The following MAP2K2 variants were observed in gnomAD, a reference collection of about 807,000 sequenced individuals.
MAP2K2 encodes the protein mitogen-activated protein kinase kinase 2.
MAP2K2 carries 24 observed loss-of-function variants against 43.7 expected under a neutral mutation model. That is an observed-to-expected ratio of 0.55 (90% CI 0.40 to 0.77). The LOEUF (loss-of-function observed/expected upper bound fraction) is 0.77, where lower values mean the gene tolerates loss of function less well. Among genes scored for constraint, MAP2K2 ranks in the 30% least tolerant of loss-of-function variants. The pLI is 0.00. For missense variants in MAP2K2, 470 were observed against 566.8 expected (o/e 0.83, Z 1.73); for synonymous variants, 244 against 239.7 (o/e 1.02, Z -0.17).
chr19:4,090,723 G>C lies in MAP2K2; in HGVS notation c.1093-15C>G. 1 of 1,529,446 alleles carries C rather than the reference G, an allele frequency of 6.5e-7. No individual in the cohort carries two copies. Among genetic ancestry groups the C allele is most frequent in the South Asian group, 1.2e-5 (1 of 83,692 alleles). The allele number at this position is 1,529,446 out of a possible 1,614,324, so 94.7% of individuals were successfully genotyped here. On this transcript the variant is annotated splice_polypyrimidine_tract_variant and intron_variant, in intron 10 of 10. Coordinates refer to ENST00000262948, the MANE Select transcript of MAP2K2 (RefSeq NM_030662.4). The stretch of plus-strand genomic sequence containing the variant: ...AAGGTGTGGTTCTGCAAGGAAAGGG[G>C]AGCCGTGAGCACCCGGGCCTGGAGT...
intron 4 of MAP2K2, 77 bp downstream of exon 4, chr19:4,102,299 T>C: frequency 9.2e-6 from 12 of 1,297,746 alleles, no homozygotes; most frequent in Non-Finnish European, 1.3e-5. Context: ...TGTGAGTGGC[T>C]CCCGGAACCC....
chr19:4,117,730 T>G (rs578052484), intron 1 of MAP2K2, 101 bp from the exon 2 acceptor site: 3 of 1,037,010 alleles, frequency 2.9e-6, no homozygotes, highest in Non-Finnish European at 4.5e-6. Flanking sequence ...GGACACAGAC[T>G]GGATTCCTGC....
chr19:4,123,448 A>C (rs1013691056), intron 1 of MAP2K2, among the ~76,000 whole-genome samples: 5 of 151,482 alleles, frequency 3.3e-5, no homozygotes, highest in Middle Eastern at 3.4e-3. Flanking sequence ...TCCACTCTTC[A>C]GGAACCCCAC....
intron 7 of MAP2K2, among the ~76,000 whole-genome samples, chr19:4,098,823 G>A (rs1458232794): frequency 2.0e-5 from 3 of 152,272 alleles, no homozygotes; most frequent in South Asian, 2.1e-4. Flanking sequence ...CGCAGCACAG[G>A]AGCGTGTCAC....
At chr19:4,112,841 G>A (rs183667875) in intron 2 of MAP2K2, among the ~76,000 whole-genome samples, 169 of 152,352 alleles carry the variant, frequency 1.1e-3, no homozygotes, top group Non-Finnish European at 1.7e-3. Flanking sequence ...GTAACTGAGA[G>A]GTGCTGGTGC....
intron 6 of MAP2K2, chr19:4,100,473 C>A: frequency 7.0e-6 from 1 of 142,670 alleles, no homozygotes; most frequent in Non-Finnish European, 1.5e-5. Context: ...ACCTGGTAGG[C>A]ACTGCTAGAG....
intron 3 of MAP2K2, among the ~76,000 whole-genome samples, chr19:4,107,971 C>T (rs2041107141): frequency 6.6e-6 from 1 of 152,136 alleles, no homozygotes; most frequent in Admixed American, 6.5e-5. Context: ...CGAGACCTGA[C>T]CCGGACGCCC....
At chr19:4,094,200 C>T (rs1049579943) in intron 10 of MAP2K2, among the ~76,000 whole-genome samples, 3 of 152,138 alleles carry the variant, frequency 2.0e-5, no homozygotes, top group South Asian at 2.1e-4. Flanking sequence ...CAGGCAGGAG[C>T]GGCGGAGCTC....
At chr19:4,119,311 T>C (rs1599308912) in intron 1 of MAP2K2, among the ~76,000 whole-genome samples, 1 of 152,280 alleles carries the variant, frequency 6.6e-6, no homozygotes, top group East Asian at 1.9e-4. Context: ...AACCTCCACC[T>C]CACGGGTTCA....
intron 6 of MAP2K2, chr19:4,099,822 T>C (rs570017267): frequency 2.1e-4 from 59 of 280,668 alleles, no homozygotes; most frequent in Non-Finnish European, 3.7e-4. Flanking sequence ...GTCCAGAAAT[T>C]AACTAAGGGC....
intron 2 of MAP2K2, among the ~76,000 whole-genome samples, chr19:4,116,972 G>A (rs936328902): frequency 6.6e-6 from 1 of 152,180 alleles, no homozygotes; most frequent in Non-Finnish European, 1.5e-5. Context: ...AGAAGGCACA[G>A]CAAAAACATG....
rs774589111 is a variant in MAP2K2 at position 4,102,369 on chromosome 19, G to A, written c.528+7C>T. ...GGGGGCGCGATGTGGGTCTGCGGTG[G>A]ACTCACCGCGATGCTGACTTTCCCC... is the stretch of plus-strand genomic sequence containing the variant. On this transcript the variant is annotated splice_region_variant and intron_variant, in intron 4 of 10. Coordinates refer to ENST00000262948, the MANE Select transcript of MAP2K2 (RefSeq NM_030662.4). 22 of 1,591,406 alleles carry A rather than the reference G, an allele frequency of 1.4e-5. No homozygotes were observed. The highest frequency in any genetic ancestry group is 1.9e-5 in the Non-Finnish European group (22 of 1,170,006).
At chr19:4,094,943 C>A (rs1326908398) in intron 9 of MAP2K2, 4 of 356,882 alleles carry the variant, frequency 1.1e-5, no homozygotes, top group South Asian at 3.9e-5. Context: ...GTCCGCAGCT[C>A]CTTCCCCGTG....
intron 3 of MAP2K2, among the ~76,000 whole-genome samples, chr19:4,108,636 T>C (rs886863599): frequency 1.3e-5 from 2 of 152,062 alleles, no homozygotes; most frequent in African/African-American, 4.8e-5. Context: ...GTCTGTGTGG[T>C]GTCCCCTGGG....
At chr19:4,123,707 G>T in intron 1 of MAP2K2, 77 bp downstream of exon 1, 1 of 672,240 alleles carries the variant, frequency 1.5e-6, no homozygotes, top group Non-Finnish European at 2.0e-6. Flanking sequence ...GCGAACCCCC[G>T]TCCCCTCGCC....
chr19:4,092,915 A>C (rs1184826198), intron 10 of MAP2K2, among the ~76,000 whole-genome samples: 1 of 152,086 alleles, frequency 6.6e-6, no homozygotes, highest in African/African-American at 2.4e-5. Flanking sequence ...TATAAAAAAA[A>C]CTAGCTGGGC....
In MAP2K2 at chr19:4,094,499, C is replaced by CT. The variant is rs1555696233; in HGVS notation, c.1047-2dup. ...CCGCTCCGCTGGGTTCTTGATGAGG[C>CT]TGGGGGTTCCAAGAGGCAGGACCGG... is the stretch of plus-strand genomic sequence containing the variant. On this transcript the variant is annotated splice_acceptor_variant, in intron 9 of 10. Transcript: ENST00000262948. LOFTEE classifies it high-confidence loss of function. The CT allele has an allele frequency of 6.4e-7, 1 of 1,569,764 alleles. No homozygotes were observed. Among genetic ancestry groups the CT allele is most frequent in the Non-Finnish European group, 8.6e-7 (1 of 1,156,708 alleles).
intron 2 of MAP2K2, among the ~76,000 whole-genome samples, chr19:4,116,090 G>A (rs576913512): frequency 1.6e-4 from 24 of 152,280 alleles, no homozygotes; most frequent in African/African-American, 5.3e-4. Flanking sequence ...GTGAGACCAC[G>A]GTGCCCAGTT....
intron 9 of MAP2K2, 53 bp from the exon 10 acceptor site, chr19:4,094,551 C>G: frequency 6.5e-7 from 1 of 1,544,068 alleles, no homozygotes; most frequent in Non-Finnish European, 8.8e-7. Flanking sequence ...CAAGACAGGG[C>G]AGTCAGCTGG....
Sources: allele counts gnomAD v4.1 joint callset (sites outside exome capture counted in the v4.1 genomes callset), GRCh38; gene constraint gnomAD v4.1.1; transcripts MANE v1.5; gene names NCBI Gene and HGNC (gene_info 2026-07-23, HGNC 2026-07-21).